The following TRAPPC13 variants were observed in gnomAD, a reference collection of about 807,000 sequenced individuals.
The protein encoded by TRAPPC13 is REV7-interacting novel NHEJ regulator 1.
In TRAPPC13, 39 loss-of-function variants were observed where a neutral mutation model predicts 54.0. That is an observed-to-expected ratio of 0.72 (90% CI 0.56 to 0.94). The LOEUF is 0.94. Among genes scored for constraint, TRAPPC13 ranks in the 40% least tolerant of loss-of-function variants. TRAPPC13 has a pLI of 0.00. For synonymous variants in TRAPPC13, 148 were observed against 167.7 expected, an observed-to-expected ratio of 0.88 and a Z score of 0.91; for missense variants, 386 against 488.1, an observed-to-expected ratio of 0.79 and a Z score of 1.97.
intron 10 of TRAPPC13, 174 bp downstream of exon 10, chr5:65,661,071 T>C: frequency 2.0e-6 from 1 of 502,630 alleles, no homozygotes; most frequent in Non-Finnish European, 3.5e-6. Flanking sequence ...AGACTGGTGT[T>C]GCCATGAATG....
intron 1 of TRAPPC13, chr5:65,635,061 T>A: frequency 5.5e-6 from 3 of 547,186 alleles, no homozygotes; most frequent in Non-Finnish European, 4.6e-6. Context: ...CATATTGTAT[T>A]TACATTTAAT....
At position 65,650,897 on chromosome 5, in the gene TRAPPC13, A is replaced by G. The variant is rs1200201125; in HGVS notation, c.501+15A>G. 3.8e-6 allele frequency: 6 copies of G among 1,579,038 alleles called. No homozygotes were observed. The highest frequency in any genetic ancestry group is 3.4e-4 in the Middle Eastern group (2 of 5,846). On this transcript the variant is annotated intron_variant, in intron 6 of 12. Coordinates refer to ENST00000399438, the MANE Select transcript of TRAPPC13 (RefSeq NM_024941.4). ...TCAAATTTCAGGTATTGAATATGAC[A>G]ATGGTAAATAGTTTTTATATGCCTT...
chr5:65,631,287 G>A (rs1755533900), intron 1 of TRAPPC13, among the ~76,000 whole-genome samples: 2 of 152,208 alleles, frequency 1.3e-5, no homozygotes, highest in Non-Finnish European at 2.9e-5. Context: ...GCTTGATAAT[G>A]CATGGTAAAC....
chr5:65,629,869 A>G (rs1165161917), intron 1 of TRAPPC13: 1 of 1,536,086 alleles, frequency 6.5e-7, no homozygotes, highest in East Asian at 2.4e-5. Context: ...TGGAGTTTCA[A>G]CCTAGCTTGA....
intron 5 of TRAPPC13, among the ~76,000 whole-genome samples, chr5:65,649,146 G>T (rs184410231): frequency 6.6e-6 from 1 of 152,216 alleles, no homozygotes; most frequent in East Asian, 1.9e-4. Context: ...AGCCCAGGAG[G>T]TCAAGGCTTC....
At position 65,637,717 on chromosome 5, in the gene TRAPPC13, C is replaced by T. The variant is rs1755804634; in HGVS notation, c.237C>T (p.Thr79=). 6 of 1,568,540 alleles carry T rather than the reference C, an allele frequency of 3.8e-6. No individual in the cohort carries two copies. In the South Asian group the frequency reaches 7.0e-5, roughly 18 times the overall value. The change falls in exon 4 of 13, where the codon ACC becomes ACT. Residue 79 remains threonine (T), a synonymous_variant. Transcript: ENST00000399438. Reference sequence around the variant, plus strand: ...ACAGGAATATATTTTTGGGAGAGACCTTTTCCAGTTATATCAGCGTTCATA... The same window carrying T: ...ACAGGAATATATTTTTGGGAGAGACTTTTTCCAGTTATATCAGCGTTCATA... ...QNFGNIFLGE[T]FSSYISVHND...
chr5:65,652,582 C>T (rs561962383), intron 7 of TRAPPC13, 37 bp downstream of exon 7: 49 of 1,467,122 alleles, frequency 3.3e-5, no homozygotes, highest in Middle Eastern at 1.7e-4. Flanking sequence ...TCATATTAAA[C>T]ATTAAGATCG....
chr5:65,655,114 A>G (rs1756604348), intron 7 of TRAPPC13, among the ~76,000 whole-genome samples: 1 of 152,206 alleles, frequency 6.6e-6, no homozygotes, highest in East Asian at 1.9e-4. Flanking sequence ...TACTAAGAAG[A>G]AGAGAATTCT....
chr5:65,659,104 T>C (rs2150691174), intron 9 of TRAPPC13, among the ~76,000 whole-genome samples: 1 of 152,302 alleles, frequency 6.6e-6, no homozygotes, highest in Middle Eastern at 3.4e-3. Context: ...ATAATTTACA[T>C]TAGAATTCAC....
At chr5:65,638,747 G>A (rs1013893219) in intron 4 of TRAPPC13, among the ~76,000 whole-genome samples, 4 of 152,282 alleles carry the variant, frequency 2.6e-5, no homozygotes, top group South Asian at 2.1e-4. Flanking sequence ...ATGGCAGCAG[G>A]CAAAGAGAGA....
chr5:65,660,569 T>C lies in TRAPPC13; in HGVS notation c.699-130T>C, dbSNP rs549175493. Reference sequence around the variant, plus strand: ...TTCTTTTTATTTGTATTGAAATCGTTAACATGTTCTGTTGTTGATCTTTGG... The same window carrying C: ...TTCTTTTTATTTGTATTGAAATCGTCAACATGTTCTGTTGTTGATCTTTGG... On this transcript the variant is annotated intron_variant, in intron 9 of 12. Coordinates refer to ENST00000399438, the MANE Select transcript of TRAPPC13 (RefSeq NM_024941.4). 28 of 550,044 alleles carry C rather than the reference T, an allele frequency of 5.1e-5. No individual in the cohort carries two copies. In the East Asian group the frequency reaches 9.5e-4, roughly 19 times the overall value. 34.1% of individuals were successfully genotyped at this position (550,044 alleles called of 1,614,324 possible).
chr5:65,628,860 A>G (rs1333265616), intron 1 of TRAPPC13, among the ~76,000 whole-genome samples: 2 of 150,682 alleles, frequency 1.3e-5, no homozygotes, highest in Non-Finnish European at 2.9e-5. Flanking sequence ...GTCTTGCTCT[A>G]TCGCCCAGGC....
At position 65,664,591 on chromosome 5, in the gene TRAPPC13, G is replaced by C; in HGVS notation, c.1234G>C (p.Ala412Pro). ...CGCACAAGTCTGTGTGGTATCTTCT[G>C]CCATTAAAGTGGAAAGCTGAAGGAA... ...DIAQVCVVSS[A>P]IKVES is the part of the protein sequence containing the mutation. Residue 412 changes from alanine (A) to proline (P), a missense_variant, in exon 13 of 13, where the codon GCC (alanine) becomes CCC (proline). By Grantham distance (27) the Ala-to-Pro change is conservative. Coordinates refer to ENST00000399438, the MANE Select transcript of TRAPPC13 (RefSeq NM_024941.4). The C allele has an allele frequency of 6.2e-7, 1 of 1,612,456 alleles. No homozygotes were observed. Among genetic ancestry groups the C allele is most frequent in the Non-Finnish European group, 8.5e-7 (1 of 1,179,498 alleles).
chr5:65,654,852 G>A (rs750373827), intron 7 of TRAPPC13, among the ~76,000 whole-genome samples: 5 of 152,160 alleles, frequency 3.3e-5, no homozygotes, highest in African/African-American at 4.8e-5. Context: ...GCCAGGTACC[G>A]AAGATAAATA....
chr5:65,639,904 G>A (rs576362900), intron 4 of TRAPPC13, among the ~76,000 whole-genome samples: 22 of 152,324 alleles, frequency 1.4e-4, no homozygotes, highest in East Asian at 3.9e-4. Context: ...TGTAAAACCT[G>A]TCTTAGAGTG....
At chr5:65,652,664 G>GA (rs558198373) in intron 7 of TRAPPC13, 119 bp downstream of exon 7, 7 of 782,494 alleles carry the variant, frequency 8.9e-6, no homozygotes, top group African/African-American at 3.4e-5. Context: ...TAAATTATTT[G>GA]AAAAAATCAC....
chr5:65,630,080 T>C, intron 1 of TRAPPC13: 1 of 1,536,104 alleles, frequency 6.5e-7, no homozygotes, highest in African/African-American at 1.4e-5. Context: ...ACACTCACTT[T>C]ATAGAGCAAG....
At chr5:65,644,014 C>A (rs1288556167) in intron 4 of TRAPPC13, among the ~76,000 whole-genome samples, 1 of 152,056 alleles carries the variant, frequency 6.6e-6, no homozygotes, top group Non-Finnish European at 1.5e-5. Context: ...TTTAGTTTGG[C>A]TAGATTTAAA....
chr5:65,648,509 T>G (rs1347747057), intron 5 of TRAPPC13, among the ~76,000 whole-genome samples: 1 of 152,136 alleles, frequency 6.6e-6, no homozygotes, highest in Non-Finnish European at 1.5e-5. Context: ...GTGTAAAATC[T>G]CCATTTTACA....
Sources: gnomAD v4.1 joint callset for allele counts (sites outside exome capture counted in the v4.1 genomes callset) on GRCh38, gnomAD v4.1.1 for gene constraint, MANE v1.5 for transcripts, NCBI Gene and HGNC (gene_info 2026-07-23, HGNC 2026-07-21) for gene names.